Variants in COPA observed in about 807,000 individuals in gnomAD.
COPA encodes coatomer subunit alpha.
A neutral mutation model predicts 158.7 loss-of-function variants in COPA; 10 were observed. That is an observed-to-expected ratio of 0.06 (90% confidence interval 0.04 to 0.11). COPA has a LOEUF of 0.11. Ranked by LOEUF, COPA falls within the 10% of genes least tolerant of loss-of-function variation. COPA has a pLI of 1.00. For synonymous variants in COPA, 462 were observed against 542.8 expected (o/e 0.85, Z 2.07); for missense variants, 1,065 against 1,536.7 (o/e 0.69, Z 5.13).
intron 11 of COPA, 60 bp downstream of exon 11, chr1:160,311,807 TG>T: frequency 7.1e-7 from 1 of 1,406,274 alleles, no homozygotes; most frequent in Non-Finnish European, 9.5e-7. Context: ...GTCTTGTTTG[TG>T]GGAGTTGTAT....
In COPA at chr1:160,309,180, T is replaced by A; in HGVS notation, c.1144-4A>T. ...TATTCTCTAGATTGCTAGCTCTCTG[T>A]AGAAGAAAAGGGGAAATTAAAATGT... On this transcript the variant is annotated splice_polypyrimidine_tract_variant and splice_region_variant and intron_variant, in intron 12 of 32. Transcript: ENST00000241704. 1 of 1,609,540 alleles carries A rather than the reference T, an allele frequency of 6.2e-7. No homozygotes were observed. Among genetic ancestry groups the A allele is most frequent in the Non-Finnish European group, 8.5e-7 (1 of 1,176,104 alleles).
intron 1 of COPA, among the ~76,000 whole-genome samples, chr1:160,340,743 C>G (rs1648003802): frequency 6.6e-6 from 1 of 152,162 alleles, no homozygotes; most frequent in Non-Finnish European, 1.5e-5. Flanking sequence ...ATTGCTCTGC[C>G]TTCTCCTTTC....
chr1:160,324,529 C>T (rs1659432666), intron 7 of COPA, among the ~76,000 whole-genome samples: 1 of 150,240 alleles, frequency 6.7e-6, no homozygotes, highest in African/African-American at 2.5e-5. Flanking sequence ...AACTCCTGGC[C>T]TCAAGTAATC....
intron 3 of COPA, among the ~76,000 whole-genome samples, chr1:160,335,883 C>CAAAAA (rs10562824): frequency 8.8e-5 from 6 of 68,006 alleles, no homozygotes; most frequent in Non-Finnish European, 1.1e-4. Context: ...GACTCAGTCT[C>CAAAAA]AAAAAAAAAA....
At chr1:160,292,696 AT>A in intron 27 of COPA, 76 bp from the exon 28 acceptor site, 1 of 1,237,952 alleles carries the variant, frequency 8.1e-7, no homozygotes, top group Non-Finnish European at 1.1e-6. Context: ...AAGGTAATTA[AT>A]TTCTCTGTTC....
In COPA at chr1:160,335,407, G is replaced by T. The variant is rs536023776; in HGVS notation, c.229-85C>A. The T allele has an allele frequency of 5.8e-6, 6 of 1,028,664 alleles. No individual in the cohort carries two copies. The African/African-American group carries it at 9.8e-5, about 17-fold the overall frequency. 63.7% of individuals were successfully genotyped at this position (1,028,664 alleles called of 1,614,324 possible). On this transcript the variant is annotated intron_variant, in intron 3 of 32. Coordinates refer to ENST00000241704, the MANE Select transcript of COPA (RefSeq NM_004371.4). ...AGAAATTGATATCTTTACAGAGATAGAAATATGTATATAAATATAGATTTA... is the reference window on the plus strand; with the variant it reads ...AGAAATTGATATCTTTACAGAGATATAAATATGTATATAAATATAGATTTA...
At position 160,297,590 on chromosome 1, in the gene COPA, G is replaced by A. The variant is rs144777407; in HGVS notation, c.2133C>T (p.Gly711=). ...DKLSFLYLIT[G]NLEKLRKMMK... ...TCATCTTGCGAAGTTTTTCTAAGTT[G>A]CCAGTGATAAGATACAGGAAGGAAA... The change falls in exon 20 of 33, where the codon GGC becomes GGT. Residue 711 remains glycine (G), a synonymous_variant. Coordinates refer to ENST00000241704, the MANE Select transcript of COPA (RefSeq NM_004371.4). The A allele has an allele frequency of 6.2e-7, 1 of 1,614,086 alleles. No homozygotes were observed. Among genetic ancestry groups the A allele is most frequent in the Non-Finnish European group, 8.5e-7 (1 of 1,180,010 alleles).
chr1:160,329,213 G>A (rs1002019233), intron 6 of COPA, among the ~76,000 whole-genome samples: 1 of 152,174 alleles, frequency 6.6e-6, no homozygotes, highest in African/African-American at 2.4e-5. Context: ...TTCCACTCTG[G>A]TTAAGGGGTT....
intron 17 of COPA, among the ~76,000 whole-genome samples, chr1:160,303,440 A>C (rs1034130783): frequency 6.6e-6 from 1 of 152,232 alleles, no homozygotes; most frequent in Non-Finnish European, 1.5e-5. Flanking sequence ...ATGGAGAAAG[A>C]ACGGTCTTTT....
intron 10 of COPA, among the ~76,000 whole-genome samples, chr1:160,312,685 C>G (rs1164298387): frequency 6.6e-6 from 1 of 152,168 alleles, no homozygotes; most frequent in East Asian, 1.9e-4. Context: ...TTACTCAGTC[C>G]CTTACTCACT....
At position 160,295,830 on chromosome 1, in the gene COPA, C is replaced by T; in HGVS notation, c.2382G>A (p.Leu794=). 6.2e-7 allele frequency: 1 copy of T among 1,612,858 alleles called. No homozygotes were observed. Among genetic ancestry groups the T allele is most frequent in the Non-Finnish European group, 8.5e-7 (1 of 1,179,680 alleles). ...TIPDIDPNAK[L]LQPPAPIMPL... Reference sequence around the variant, plus strand: ...GCATGATAGGTGCAGGTGGCTGGAGCAGCTTGGCATTAGGGTCAATGTCTG... The same window carrying T: ...GCATGATAGGTGCAGGTGGCTGGAGTAGCTTGGCATTAGGGTCAATGTCTG... Residue 794 remains leucine (L), a synonymous_variant, in exon 23 of 33, where the codon CTG becomes CTA. Transcript: ENST00000241704.
chr1:160,296,674 G>A (rs1163687800), intron 21 of COPA, among the ~76,000 whole-genome samples: 1 of 152,160 alleles, frequency 6.6e-6, no homozygotes, highest in East Asian at 1.9e-4. Flanking sequence ...AAATGTTTGT[G>A]GTTTTAAACT....
intron 27 of COPA, among the ~76,000 whole-genome samples, chr1:160,292,888 T>C (rs2369474): frequency 0.64 from 97,714 of 151,924 alleles, 32,949 homozygotes; most frequent in African/African-American, 0.86. Context: ...AAAACAGACC[T>C]CTGCTTGGAA....
chr1:160,312,580 A>G (rs1659002643), intron 10 of COPA, among the ~76,000 whole-genome samples: 1 of 152,210 alleles, frequency 6.6e-6, no homozygotes, highest in Admixed American at 6.5e-5. Flanking sequence ...TTTCCTGCCC[A>G]AAACCTTCCA....
At chr1:160,309,906 A>C (rs1356184017) in intron 12 of COPA, among the ~76,000 whole-genome samples, 1 of 152,184 alleles carries the variant, frequency 6.6e-6, no homozygotes, top group African/African-American at 2.4e-5. Flanking sequence ...TAGGAAATAT[A>C]TATATATAGT....
chr1:160,290,883 A>G (rs1658207926), intron 31 of COPA, among the ~76,000 whole-genome samples, 197 bp from the exon 32 acceptor site: 2 of 152,208 alleles, frequency 1.3e-5, no homozygotes, highest in South Asian at 2.1e-4. Flanking sequence ...CCCCTTCTCA[A>G]TACAAAAGTG....
Position 160,299,037 on chromosome 1 carries a change from A to G in COPA, c.1831-46T>C, listed in dbSNP as rs114265699. 3.0e-3 allele frequency: 4,751 copies of G among 1,607,866 alleles called. 118 individuals carry two copies. The African/African-American group carries it at 0.055, about 19-fold the overall frequency. ...CGGGCAAGAAGTAGACATCACTTAC[A>G]GGAAAAGAAAAAAAAAAAGAGTGCT... On this transcript the variant is annotated intron_variant, in intron 18 of 32. Transcript: ENST00000241704.
At chr1:160,340,685 C>A (rs1648001480) in intron 1 of COPA, among the ~76,000 whole-genome samples, 1 of 152,172 alleles carries the variant, frequency 6.6e-6, no homozygotes, top group Non-Finnish European at 1.5e-5. Context: ...TCCTTTCTGG[C>A]AAGTAGGAAC....
chr1:160,321,456 A>AT (rs1339347294), intron 8 of COPA, among the ~76,000 whole-genome samples: 1 of 152,194 alleles, frequency 6.6e-6, no homozygotes. Flanking sequence ...AAAATGATAA[A>AT]TTCAGTCCAG....
Sources: allele counts gnomAD v4.1 joint callset (sites outside exome capture counted in the v4.1 genomes callset), GRCh38; gene constraint gnomAD v4.1.1; transcripts MANE v1.5; gene names NCBI Gene and HGNC (gene_info 2026-07-23, HGNC 2026-07-21).